VPS50: variants seen among roughly 807,000 people sequenced by gnomAD.
VPS50 encodes VPS50 subunit of EARP/GARPII complex, also known as syndetin.
In VPS50, 70 loss-of-function variants were observed where a neutral mutation model predicts 139.7. The ratio of observed to expected loss-of-function variants is 0.50; its 90% CI spans 0.41 to 0.61. VPS50 has a LOEUF of 0.61. Among genes scored for constraint, VPS50 ranks in the 20% least tolerant of loss-of-function variants. VPS50 has a pLI of 0.00. For synonymous variants in VPS50, 365 were observed against 376.7 expected, an observed-to-expected ratio of 0.97 and a Z score of 0.36; for missense variants, 921 against 1,133.7, an observed-to-expected ratio of 0.81 and a Z score of 2.69.
rs544794438 is a variant in VPS50, at chr7:93,345,584, T to C, written c.2208-3127T>C. On this transcript the variant is annotated intron_variant, in intron 23 of 27. Transcript: ENST00000305866. ...ATTGATGCAAAAATCCTTAATAAAA[T>C]ACTGGCAAACCGAATCCAGCAGCAC... Among the ~76,000 whole-genome samples the C allele has an allele frequency of 2.0e-5, 3 of 152,268 alleles. No homozygotes were observed. In the South Asian group the frequency reaches 6.2e-4, roughly 32 times the overall value.
At chr7:93,333,284 GGA>G (rs1463943689) in intron 21 of VPS50, among the ~76,000 whole-genome samples, 1 of 151,974 alleles carries the variant, frequency 6.6e-6, no homozygotes, top group Non-Finnish European at 1.5e-5. Context: ...ATCTCAAATG[GGA>G]GAGGAAGAGG....
chr7:93,255,467 T>C (rs1422453278), intron 4 of VPS50, among the ~76,000 whole-genome samples: 1 of 152,188 alleles, frequency 6.6e-6, no homozygotes, highest in Non-Finnish European at 1.5e-5. Flanking sequence ...CTTCGCTTGC[T>C]CACCTGCCAC....
chr7:93,345,243 T>G (rs1261103600), intron 23 of VPS50, among the ~76,000 whole-genome samples: 1 of 152,170 alleles, frequency 6.6e-6, no homozygotes, highest in Non-Finnish European at 1.5e-5. Context: ...AATGGATAAA[T>G]TCCTCGACAC....
intron 2 of VPS50, among the ~76,000 whole-genome samples, chr7:93,251,626 C>CATG (rs2116818415): frequency 6.6e-6 from 1 of 152,098 alleles, no homozygotes; most frequent in South Asian, 2.1e-4. Context: ...TGTAACAAAC[C>CATG]TGCACATTCT....
intron 26 of VPS50, among the ~76,000 whole-genome samples, chr7:93,355,090 G>A (rs1260325525): frequency 6.8e-6 from 1 of 146,642 alleles, no homozygotes; most frequent in Non-Finnish European, 1.5e-5. Flanking sequence ...AATAATATAT[G>A]TAATACTTCT....
At chr7:93,322,390 G>T (rs1017186433) in intron 20 of VPS50, among the ~76,000 whole-genome samples, 1 of 151,964 alleles carries the variant, frequency 6.6e-6, no homozygotes. Flanking sequence ...ACGAGGTCAG[G>T]AGATCGAGAC....
At chr7:93,299,332 T>C (rs1053487636) in intron 16 of VPS50, among the ~76,000 whole-genome samples, 4 of 152,202 alleles carry the variant, frequency 2.6e-5, no homozygotes, top group African/African-American at 9.6e-5. Flanking sequence ...GTCATTACAT[T>C]AGCCAGTGAT....
At position 93,303,523 on chromosome 7, in the gene VPS50, G is replaced by A; in HGVS notation, c.1425G>A (p.Lys475=). ...ENETWELCPV[K]SNFSILQLHE... ...AGACTTGGGAACTTTGTCCTGTTAAGTCAAATTTCAGCATCTTGCAACTTC... is the reference window on the plus strand; with the variant it reads ...AGACTTGGGAACTTTGTCCTGTTAAATCAAATTTCAGCATCTTGCAACTTC... Residue 475 remains lysine, a synonymous_variant, in exon 17 of 28, where the codon AAG becomes AAA. Transcript: ENST00000305866. 1.3e-6 allele frequency: 2 copies of A among 1,562,680 alleles called. No individual in the cohort carries two copies. Among genetic ancestry groups the A allele is most frequent in the African/African-American group, 2.7e-5 (2 of 73,668 alleles).
At chr7:93,341,697 G>A (rs940855449) in intron 23 of VPS50, 122 bp downstream of exon 23, 10 of 576,034 alleles carry the variant, frequency 1.7e-5, no homozygotes, top group Admixed American at 7.0e-5. Flanking sequence ...TCACTTATAT[G>A]TTTCTGAGAA....
chr7:93,314,338 A>G (rs899612776), intron 20 of VPS50, among the ~76,000 whole-genome samples: 1 of 152,298 alleles, frequency 6.6e-6, no homozygotes, highest in East Asian at 1.9e-4. Context: ...GCGTAAACAA[A>G]AGAGTGTTAA....
intron 17 of VPS50, among the ~76,000 whole-genome samples, chr7:93,304,158 T>A (rs1248892255): frequency 1.3e-5 from 2 of 151,870 alleles, no homozygotes; most frequent in Non-Finnish European, 3.0e-5. Flanking sequence ...ACATTGTAGA[T>A]AAATATTCTT....
At chr7:93,242,192 C>T (rs148886563) in intron 2 of VPS50, among the ~76,000 whole-genome samples, 1 of 151,782 alleles carries the variant, frequency 6.6e-6, no homozygotes, top group East Asian at 1.9e-4. Context: ...GCTAGAGATA[C>T]TTTCTAGGGA....
chr7:93,307,307 A>G (rs1646657635), intron 18 of VPS50, among the ~76,000 whole-genome samples: 1 of 151,900 alleles, frequency 6.6e-6, no homozygotes, highest in African/African-American at 2.4e-5. Context: ...CAGGCACATC[A>G]CAGCCTTCTT....
At chr7:93,280,908 TATAC>T (rs1162601678) in intron 12 of VPS50, among the ~76,000 whole-genome samples, 4 of 152,056 alleles carry the variant, frequency 2.6e-5, no homozygotes, top group Non-Finnish European at 5.9e-5. Flanking sequence ...TATATATATA[TATAC>T]ATACATACAT....
rs777992157 is a variant in VPS50 at position 93,311,158 on chromosome 7, A to C, written c.1749-8A>C. 1 of 1,057,090 alleles carries C rather than the reference A, an allele frequency of 9.5e-7. No individual in the cohort carries two copies. The highest frequency in any genetic ancestry group is 1.5e-6 in the Non-Finnish European group (1 of 671,296). 65.5% of individuals were successfully genotyped at this position (1,057,090 alleles called of 1,614,324 possible). A position where few individuals can be genotyped will look rare whatever the true frequency, so the allele number is the denominator to read the frequency against. On this transcript the variant is annotated splice_polypyrimidine_tract_variant and splice_region_variant and intron_variant, in intron 19 of 27. Coordinates refer to ENST00000305866, the MANE Select transcript of VPS50 (RefSeq NM_017667.4). The stretch of plus-strand genomic sequence containing the variant: ...TCTAGCAACTCTGTTTTGTTTTTCC[A>C]TATCAAGTGTTTCTCGGGAAACTCT...
intron 21 of VPS50, among the ~76,000 whole-genome samples, chr7:93,331,551 A>T (rs1008672877): frequency 2.6e-5 from 4 of 152,106 alleles, no homozygotes; most frequent in Admixed American, 1.3e-4. Context: ...AGAAAAAAAA[A>T]GCCTCAACCC....
At position 93,291,603 on chromosome 7, in the gene VPS50, T is replaced by G. The variant is rs368819444; in HGVS notation, c.943-100T>G. 94 of 659,402 alleles carry G rather than the reference T, an allele frequency of 1.4e-4. 1 individual carries two copies. The highest frequency in any genetic ancestry group is 8.1e-4 in the East Asian group (25 of 30,796). The allele number at this position is 659,402 out of a possible 1,614,324, so 40.8% of individuals were successfully genotyped here. On this transcript the variant is annotated intron_variant, in intron 12 of 27. Transcript: ENST00000305866. ...TGTCAGTTGAAGAAATTTTCTTGGT[T>G]ATTTCTAATTTTTGAATATATTTGA... is the stretch of plus-strand genomic sequence containing the variant.
rs151181606 is a variant in VPS50, at chr7:93,257,564, G to A, written c.422+100G>A. 515 of 661,608 alleles carry A rather than the reference G, an allele frequency of 7.8e-4. 2 individuals carry two copies. In the African/African-American group the frequency reaches 8.8e-3, roughly 11 times the overall value. The allele number at this position is 661,608 out of a possible 1,614,324, so 41.0% of individuals were successfully genotyped here. A position where few individuals can be genotyped will look rare whatever the true frequency, so the allele number is the denominator to read the frequency against. ...AATTGATTTTTTAAATTATGGATGT[G>A]GTTTCTAGAATATCATTCCTTAAGT... is the stretch of plus-strand genomic sequence containing the variant. On this transcript the variant is annotated intron_variant, in intron 6 of 27. Coordinates refer to ENST00000305866, the MANE Select transcript of VPS50 (RefSeq NM_017667.4).
chr7:93,236,934 CTTCTTTTTT>C (rs1794820086), intron 1 of VPS50, among the ~76,000 whole-genome samples: 2 of 55,852 alleles, frequency 3.6e-5, no homozygotes, highest in African/African-American at 6.9e-5. Flanking sequence ...ACCTCTTTTA[CTTCTTTTTT>C]TTTTTTTTTT....
Sources: gnomAD v4.1 joint callset for allele counts (sites outside exome capture counted in the v4.1 genomes callset) on GRCh38, gnomAD v4.1.1 for gene constraint, MANE v1.5 for transcripts, NCBI Gene and HGNC (gene_info 2026-07-23, HGNC 2026-07-21) for gene names.